The following EXT1 variants were observed in gnomAD, a reference collection of about 807,000 sequenced individuals.
EXT1 encodes exostosin glycosyltransferase 1.
In EXT1, 20 loss-of-function variants were observed where a neutral mutation model predicts 82.5. The ratio of observed to expected loss-of-function variants is 0.24; its 90% CI spans 0.17 to 0.35. EXT1 has a LOEUF of 0.35. Ranked by LOEUF, EXT1 falls within the 10% of genes least tolerant of loss-of-function variation. EXT1 has a pLI of 1.00. For missense variants in EXT1, 757 were observed against 936.5 expected (o/e 0.81, Z 2.50); for synonymous variants, 348 against 350.8 (o/e 0.99, Z 0.09).
In EXT1 at chr8:118,052,838, C is replaced by T. The variant is rs557928254; in HGVS notation, c.962+57247G>A. On this transcript the variant is annotated intron_variant, in intron 1 of 10. Transcript: ENST00000378204. Reference sequence around the variant, plus strand: ...GTCTGCAGTGAAGGCAACACAAGAGCTTACAAATAATCTGCCTTCCCCAAG... The same window carrying T: ...GTCTGCAGTGAAGGCAACACAAGAGTTTACAAATAATCTGCCTTCCCCAAG... Among the ~76,000 whole-genome samples the T allele has an allele frequency of 3.1e-4, 47 of 152,298 alleles. No homozygotes were observed. The South Asian group carries it at 9.8e-3, about 32-fold the overall frequency.
chr8:118,057,010 G>A (rs1298372684), intron 1 of EXT1, among the ~76,000 whole-genome samples: 2 of 152,128 alleles, frequency 1.3e-5, no homozygotes, highest in South Asian at 2.1e-4. Flanking sequence ...GGACAGGAAC[G>A]TCCTCCAGGA....
chr8:118,001,186 TTTTG>T (rs1187547497), intron 1 of EXT1, among the ~76,000 whole-genome samples: 15 of 152,224 alleles, frequency 9.9e-5, no homozygotes, highest in African/African-American at 1.4e-4. Flanking sequence ...CCCTGTCATT[TTTTG>T]TTTGTTTTTG....
At chr8:117,956,125 A>C (rs796253309) in intron 1 of EXT1, among the ~76,000 whole-genome samples, 3 of 152,278 alleles carry the variant, frequency 2.0e-5, no homozygotes, top group African/African-American at 4.8e-5. Context: ...AATGACAACA[A>C]CACACACAGG....
chr8:117,881,580 G>T (rs1813059558), intron 1 of EXT1, among the ~76,000 whole-genome samples: 1 of 152,156 alleles, frequency 6.6e-6, no homozygotes, highest in Admixed American at 6.5e-5. Flanking sequence ...CACCTCTGTG[G>T]TTCCAGGACT....
At chr8:117,990,207 G>A (rs1815405317) in intron 1 of EXT1, among the ~76,000 whole-genome samples, 1 of 152,118 alleles carries the variant, frequency 6.6e-6, no homozygotes, top group African/African-American at 2.4e-5. Context: ...AACCCAGACT[G>A]GGTCTCCCTC....
intron 1 of EXT1, among the ~76,000 whole-genome samples, chr8:117,842,414 G>C (rs910317344): frequency 1.3e-5 from 2 of 152,152 alleles, no homozygotes; most frequent in Non-Finnish European, 2.9e-5. Context: ...AACACAGCCA[G>C]CTTCAAGTTA....
At chr8:117,861,522 T>TATGCATCAAAG (rs1390881201) in intron 1 of EXT1, among the ~76,000 whole-genome samples, 1,224 of 95,574 alleles carry the variant, frequency 0.013, 22 homozygotes, top group Non-Finnish European at 0.019. Context: ...TGAGATAGAG[T>TATGCATCAAAG]CTTGCTCTGT....
chr8:117,794,677 C>T lies in EXT1; in HGVS notation c.*5035G>A, dbSNP rs1823067015. The T allele has an allele frequency of 6.6e-6, 1 of 152,144 alleles. No homozygotes were observed. The highest frequency in any genetic ancestry group is 1.5e-5 in the Non-Finnish European group (1 of 68,044). The allele number at this position is 152,144 out of a possible 1,614,324, so 9.4% of individuals were successfully genotyped here. ...GTATTTTCTCACACGCGCTCTCTCA[C>T]ACATACTTGAGGGCTTAATTACGCT... On this transcript the variant is annotated 3_prime_UTR_variant, in exon 11 of 11. Transcript: ENST00000378204.
Position 118,048,089 on chromosome 8 carries a change from C to T in EXT1, c.962+61996G>A, listed in dbSNP as rs560589195. 4.6e-5 allele frequency among the ~76,000 whole-genome samples: 7 copies of T among 152,054 alleles called. No homozygotes were observed. The South Asian group carries it at 1.5e-3, about 32-fold the overall frequency. The stretch of plus-strand genomic sequence containing the variant: ...TTGCTCCCTGGAAGCCATAAGACAT[C>T]TTACTACAATTCATAAGCAGCTCTC... On this transcript the variant is annotated intron_variant, in intron 1 of 10. Coordinates refer to ENST00000378204, the MANE Select transcript of EXT1 (RefSeq NM_000127.3).
At chr8:118,084,143 C>G (rs1444745162) in intron 1 of EXT1, among the ~76,000 whole-genome samples, 1 of 152,220 alleles carries the variant, frequency 6.6e-6, no homozygotes, top group South Asian at 2.1e-4. Flanking sequence ...ACCAAGCTCT[C>G]TCAGTCAAAC....
intron 1 of EXT1, among the ~76,000 whole-genome samples, chr8:117,979,957 T>C (rs1815151714): frequency 6.6e-6 from 1 of 152,214 alleles, no homozygotes; most frequent in Non-Finnish European, 1.5e-5. Flanking sequence ...TTATCAATGA[T>C]GAACTGGGAC....
In EXT1 at chr8:117,846,559, G is replaced by A. The variant is rs541869931; in HGVS notation, c.963-9358C>T. Among the ~76,000 whole-genome samples the A allele has an allele frequency of 2.4e-4, 36 of 152,312 alleles. No homozygotes were observed. The South Asian group carries it at 7.5e-3, about 32-fold the overall frequency. On this transcript the variant is annotated intron_variant, in intron 1 of 10. Coordinates refer to ENST00000378204, the MANE Select transcript of EXT1 (RefSeq NM_000127.3). The stretch of plus-strand genomic sequence containing the variant: ...GCTACCTGAGTACAGTGGCAGGGAG[G>A]GGGTGCAGGGGGAAAAGAGGGGATT...
intron 1 of EXT1, among the ~76,000 whole-genome samples, chr8:117,936,341 G>T (rs1814162068): frequency 6.6e-6 from 1 of 152,180 alleles, no homozygotes; most frequent in Non-Finnish European, 1.5e-5. Context: ...TATGCACTTT[G>T]TGAGTCAAAT....
At chr8:117,825,764 T>C (rs921347214) in intron 4 of EXT1, among the ~76,000 whole-genome samples, 25 of 152,330 alleles carry the variant, frequency 1.6e-4, no homozygotes, top group South Asian at 4.1e-4. Context: ...CATTACCCCA[T>C]TGATTTTTAA....
rs58173753 is a variant in EXT1 at position 117,953,921 on chromosome 8, A to AAAAAAT, written c.963-116726_963-116721dup. Among the ~76,000 whole-genome samples, 1,159 of 152,120 alleles carry AAAAAAT rather than the reference A, an allele frequency of 7.6e-3. 23 individuals carry two copies. The highest frequency in any genetic ancestry group is 0.027 in the African/African-American group (1,107 of 41,442). On this transcript the variant is annotated intron_variant, in intron 1 of 10. Transcript: ENST00000378204. ...CAAGACTCCACCTCAACAACAACAG[A>AAAAAAT]AAAAATAAAAATAAAAATAAAAAAA...
intron 1 of EXT1, among the ~76,000 whole-genome samples, chr8:117,908,720 T>C (rs1463017937): frequency 2.0e-5 from 3 of 151,924 alleles, no homozygotes; most frequent in South Asian, 2.1e-4. Context: ...GTAAAGAATA[T>C]AGTGGCCTAA....
At chr8:117,956,709 A>G (rs1814594337) in intron 1 of EXT1, among the ~76,000 whole-genome samples, 1 of 152,156 alleles carries the variant, frequency 6.6e-6, no homozygotes, top group Non-Finnish European at 1.5e-5. Flanking sequence ...GACTTCCCAA[A>G]CTGCTGAGAT....
chr8:117,884,125 C>G (rs925483770), intron 1 of EXT1, among the ~76,000 whole-genome samples: 1 of 151,810 alleles, frequency 6.6e-6, no homozygotes, highest in African/African-American at 2.4e-5. Context: ...ACACTTGAAA[C>G]AAGATTTTGC....
chr8:118,017,690 T>G (rs1411012143), intron 1 of EXT1, among the ~76,000 whole-genome samples: 1 of 152,354 alleles, frequency 6.6e-6, no homozygotes, highest in South Asian at 2.1e-4. Flanking sequence ...TTGCAAATTA[T>G]CAAAGCAACT....
Sources: allele counts gnomAD v4.1 joint callset (sites outside exome capture counted in the v4.1 genomes callset), GRCh38; gene constraint gnomAD v4.1.1; transcripts MANE v1.5; gene names NCBI Gene and HGNC (gene_info 2026-07-23, HGNC 2026-07-21).